Variants in ZDHHC21 observed in about 807,000 individuals in gnomAD.
The protein encoded by ZDHHC21 is zDHHC palmitoyltransferase 21.
A neutral mutation model predicts 34.6 loss-of-function variants in ZDHHC21; 15 were observed. That is an observed-to-expected ratio of 0.43 (90% CI 0.29 to 0.67). The LOEUF is 0.67. Ranked by LOEUF, ZDHHC21 falls within the 30% of genes least tolerant of loss-of-function variation. ZDHHC21 has a pLI of 0.14. For missense variants in ZDHHC21, 344 were observed against 327.7 expected, an observed-to-expected ratio of 1.05 and a Z score of -0.38; for synonymous variants, 142 against 101.8, an observed-to-expected ratio of 1.40 and a Z score of -2.38.
At chr9:14,678,345 G>C (rs997971386) in intron 3 of ZDHHC21, among the ~76,000 whole-genome samples, 4 of 151,248 alleles carry the variant, frequency 2.6e-5, no homozygotes, top group Admixed American at 1.3e-4. Context: ...AAAGTTAAAA[G>C]ACAAAGCATT....
intron 8 of ZDHHC21, among the ~76,000 whole-genome samples, chr9:14,627,300 C>T (rs563391560): frequency 6.6e-6 from 1 of 152,142 alleles, no homozygotes; most frequent in African/African-American, 2.4e-5. Context: ...AAACTGTCAC[C>T]CCTGCATTTA....
At position 14,618,282 on chromosome 9, in the gene ZDHHC21, T is replaced by TG. The variant is rs1824638167; in HGVS notation, c.*683dup. On this transcript the variant is annotated 3_prime_UTR_variant, in exon 10 of 10. Coordinates refer to ENST00000380916, the MANE Select transcript of ZDHHC21 (RefSeq NM_178566.6). ...ATAGTGAAAATTGAAAAAATTATTG[T>TG]GAAAAAAATTTTAACATTTCCTTTA... The TG allele has an allele frequency of 6.6e-6, 1 of 152,518 alleles. No homozygotes were observed. The highest frequency in any genetic ancestry group is 1.5e-5 in the Non-Finnish European group (1 of 67,982). The allele number at this position is 152,518 out of a possible 1,614,324, so 9.4% of individuals were successfully genotyped here.
rs910868312 is a variant in ZDHHC21 at position 14,614,771 on chromosome 9, A to C, written c.*4195T>G. 6.6e-6 allele frequency: 1 copy of C among 151,742 alleles called. No individual in the cohort carries two copies. The highest frequency in any genetic ancestry group is 2.1e-4 in the South Asian group (1 of 4,832). The allele number at this position is 151,742 out of a possible 1,614,324, so 9.4% of individuals were successfully genotyped here. The stretch of plus-strand genomic sequence containing the variant: ...TTATTTGCTACACTTACCAATACTT[A>C]TATTTTTAAAGCAGTAGTAGAGTTG... On this transcript the variant is annotated 3_prime_UTR_variant, in exon 10 of 10. Coordinates refer to ENST00000380916, the MANE Select transcript of ZDHHC21 (RefSeq NM_178566.6).
intron 8 of ZDHHC21, among the ~76,000 whole-genome samples, chr9:14,628,021 G>T (rs974790259): frequency 1.3e-5 from 2 of 152,132 alleles, no homozygotes; most frequent in Admixed American, 6.5e-5. Flanking sequence ...GAAGTAGACT[G>T]ATTTGAAAAC....
chr9:14,598,974 G>A, the ZDHHC21 span, among the ~76,000 whole-genome samples: 2 of 152,066 alleles, frequency 1.3e-5, no homozygotes, highest in Non-Finnish European at 2.9e-5. Flanking sequence ...TGTCACCCAG[G>A]ATGGTCTCGA....
the ZDHHC21 span, among the ~76,000 whole-genome samples, chr9:14,601,221 G>GAATGGGAGA: frequency 6.6e-6 from 1 of 152,120 alleles, no homozygotes; most frequent in Admixed American, 6.5e-5. Context: ...GCAACCTACA[G>GAATGGGAGA]AATGGGAGAA....
At chr9:14,684,973 A>G (rs1838049547) in intron 2 of ZDHHC21, among the ~76,000 whole-genome samples, 1 of 152,230 alleles carries the variant, frequency 6.6e-6, no homozygotes. Flanking sequence ...TATTTAATAA[A>G]TGGTGTTGGG....
intron 2 of ZDHHC21, among the ~76,000 whole-genome samples, chr9:14,685,712 C>G (rs918776056): frequency 2.6e-5 from 4 of 152,048 alleles, no homozygotes; most frequent in Non-Finnish European, 5.9e-5. Flanking sequence ...GGGTATATAC[C>G]CAAAGGATTA....
chr9:14,620,760 G>C (rs1488763845), intron 8 of ZDHHC21, among the ~76,000 whole-genome samples: 6 of 152,100 alleles, frequency 3.9e-5, no homozygotes, highest in South Asian at 4.2e-4. Context: ...GCCTATGTAA[G>C]AGAAAATCAG....
chr9:14,679,697 C>T (rs913779898), intron 3 of ZDHHC21, among the ~76,000 whole-genome samples: 1 of 151,992 alleles, frequency 6.6e-6, no homozygotes, highest in Non-Finnish European at 1.5e-5. Flanking sequence ...TAATTTAGGC[C>T]TCTTTGTCAC....
chr9:14,614,498 T>C lies in ZDHHC21; in HGVS notation c.*4468A>G, dbSNP rs1164027269. The C allele has an allele frequency of 5.9e-5, 9 of 151,724 alleles. No homozygotes were observed. 9.4% of individuals were successfully genotyped at this position (151,724 alleles called of 1,614,324 possible). A position where few individuals can be genotyped will look rare whatever the true frequency, so the allele number is the denominator to read the frequency against. ...CAGAAATGCTAAATACTGATTAACA[T>C]ATAGAATTACAACACTGGTTCAAAA... On this transcript the variant is annotated 3_prime_UTR_variant, in exon 10 of 10. Transcript: ENST00000380916.
downstream of ZDHHC21, among the ~76,000 whole-genome samples, chr9:14,607,603 G>A (rs1823054416): frequency 6.6e-6 from 1 of 150,852 alleles, no homozygotes; most frequent in African/African-American, 2.4e-5. Flanking sequence ...GTTCTAGACG[G>A]TGATAAGTGC....
intron 8 of ZDHHC21, among the ~76,000 whole-genome samples, chr9:14,628,388 T>TA (rs1162044537): frequency 7.9e-5 from 12 of 152,230 alleles, no homozygotes; most frequent in African/African-American, 2.2e-4. Context: ...TGAATAATGG[T>TA]AAAAAATTAC....
downstream of ZDHHC21, among the ~76,000 whole-genome samples, chr9:14,609,284 G>T (rs1823124402): frequency 6.6e-6 from 1 of 152,094 alleles, no homozygotes; most frequent in African/African-American, 2.4e-5. Context: ...GAATTTAATT[G>T]TATTATTACT....
intron 5 of ZDHHC21, among the ~76,000 whole-genome samples, chr9:14,663,349 G>C (rs1031079051): frequency 6.6e-6 from 1 of 152,014 alleles, no homozygotes; most frequent in Non-Finnish European, 1.5e-5. Context: ...AGTACATGAA[G>C]AGTAGGACCC....
chr9:14,690,250 G>A (rs1327311903), intron 2 of ZDHHC21, 87 bp downstream of exon 2: 5 of 424,898 alleles, frequency 1.2e-5, no homozygotes, highest in South Asian at 6.9e-5. Context: ...GGGGGTAGAA[G>A]ACTAAATTAG....
intron 2 of ZDHHC21, among the ~76,000 whole-genome samples, chr9:14,680,999 T>C (rs1236968374): frequency 6.6e-6 from 1 of 152,114 alleles, no homozygotes; most frequent in Non-Finnish European, 1.5e-5. Context: ...GACAACAGAA[T>C]AAGCAAAGGC....
the ZDHHC21 span, among the ~76,000 whole-genome samples, chr9:14,595,568 C>T: frequency 6.6e-6 from 1 of 152,090 alleles, no homozygotes; most frequent in Admixed American, 6.5e-5. Context: ...TATACATTTA[C>T]TACAAAATAT....
intron 7 of ZDHHC21, among the ~76,000 whole-genome samples, chr9:14,653,650 C>T (rs1831649822): frequency 6.6e-6 from 1 of 151,926 alleles, no homozygotes; most frequent in Non-Finnish European, 1.5e-5. Flanking sequence ...TCATTCCCTA[C>T]TCTACAGCAC....
Sources: gnomAD v4.1 joint callset for allele counts (sites outside exome capture counted in the v4.1 genomes callset) on GRCh38, gnomAD v4.1.1 for gene constraint, MANE v1.5 for transcripts, NCBI Gene and HGNC (gene_info 2026-07-23, HGNC 2026-07-21) for gene names.